FGD1: variants seen among roughly 807,000 people sequenced by gnomAD.
The protein encoded by FGD1 is FYVE, RhoGEF and PH domain-containing protein 1.
In FGD1, 12 loss-of-function variants were observed where a neutral mutation model predicts 65.0. That is an observed-to-expected ratio of 0.18 (90% confidence interval 0.12 to 0.30). The LOEUF (loss-of-function observed/expected upper bound fraction) is 0.30, where lower values mean the gene tolerates loss of function less well. FGD1 is among the 10% of genes least tolerant of loss of function. The probability of loss-of-function intolerance (pLI) is 1.00; values close to 1 mark genes in which losing one functional copy is unlikely to be tolerated. For missense variants in FGD1, 542 were observed against 837.6 expected (o/e 0.65, Z 4.36); for synonymous variants, 333 against 343.9 (o/e 0.97, Z 0.35).
At position 54,470,408 on chromosome X, in the gene FGD1, C is replaced by G; in HGVS notation, c.709G>C (p.Gly237Arg). The change falls in exon 4 of 18, where the codon GGT becomes CGT. Residue 237 changes from glycine to arginine, a missense_variant. Transcript: ENST00000375135. The part of the protein sequence containing the change: ...SDRPVPGPSP[G>R]PPEPVMLPQP... The stretch of plus-strand genomic sequence containing the variant: ...GGCAACATGACTGGCTCTGGGGGAC[C>G]TGGGCTGGGGCCAGGGACTGGTCTA... The G allele has an allele frequency of 8.3e-7, 1 of 1,209,030 alleles. No individual in the cohort carries two copies. The highest frequency in any genetic ancestry group is 1.1e-6 in the Non-Finnish European group (1 of 895,135).
Position 54,446,129 on chromosome X carries a change from G to C in FGD1, c.2866C>G (p.Gln956Glu). ...ACCCTCTAGGTCTTGTCTCGGGTCT[G>C]GGGGGATTCGGGGGGTTCAGCAGTG... The part of the protein sequence containing the change: ...GATAEPPESP[Q>E]TRDKT The change falls in exon 18 of 18, where the codon CAG becomes GAG. Residue 956 changes from glutamine to glutamate, a missense_variant. Physicochemically the swap from Gln to Glu is conservative, Grantham distance 29. This residue lies in a region of FGD1 where 182 missense variants were observed against 311.4 expected (regional missense o/e 0.58). Transcript: ENST00000375135. 3 of 1,208,582 alleles carry C rather than the reference G, an allele frequency of 2.5e-6. No individual in the cohort carries two copies. The highest frequency in any genetic ancestry group is 3.4e-6 in the Non-Finnish European group (3 of 893,801).
In FGD1 at chrX:54,465,609, A is replaced by G. The variant is rs1334011171; in HGVS notation, c.1498-20T>C. Reference sequence around the variant, plus strand: ...CTCCTTCTGTGACAGGCAGAAGCAGAGGGGCTCAGATCTGGCTGCAGATGC... The same window carrying G: ...CTCCTTCTGTGACAGGCAGAAGCAGGGGGGCTCAGATCTGGCTGCAGATGC... On this transcript the variant is annotated intron_variant, in intron 7 of 17. Transcript: ENST00000375135. 7 of 1,209,878 alleles carry G rather than the reference A, an allele frequency of 5.8e-6. No individual in the cohort carries two copies. In the African/African-American group the frequency reaches 1.2e-4, roughly 21 times the overall value.
At chrX:54,456,162 A>G (rs891445909) in intron 10 of FGD1, 58 bp downstream of exon 10, 1 of 1,122,556 alleles carries the variant, frequency 8.9e-7, no homozygotes, top group Admixed American at 2.2e-5. Context: ...CCAGGTCACT[A>G]TGTGTGTGTG....
Position 54,495,696 on chromosome X carries a change from GCGC to G in FGD1, c.-267_-265del, listed in dbSNP as rs1442935819. Reference sequence around the variant, plus strand: ...CATCGCCGGCCCCGGCCCCGGCCCCGCGCGGGGAGTGGGCTCGGCGGGGCCGGG... The same window carrying G: ...CATCGCCGGCCCCGGCCCCGGCCCCGGGGGAGTGGGCTCGGCGGGGCCGGG... On this transcript the variant is annotated 5_prime_UTR_variant, in exon 1 of 18. Coordinates refer to ENST00000375135, the MANE Select transcript of FGD1 (RefSeq NM_004463.3). The G allele has an allele frequency of 7.8e-6, 1 of 127,487 alleles. No individual in the cohort carries two copies. Among genetic ancestry groups the G allele is most frequent in the Non-Finnish European group, 1.6e-5 (1 of 63,635 alleles). 10.5% of individuals were successfully genotyped at this position (127,487 alleles called of 1,213,427 possible).
chrX:54,460,117 AAAATAAAT>A (rs946932780), intron 8 of FGD1, among the ~76,000 whole-genome samples: 1 of 104,622 alleles, frequency 9.6e-6, no homozygotes, highest in African/African-American at 3.7e-5. Context: ...AAAAAATACA[AAAATAAAT>A]AAATAAATAA....
chrX:54,470,715 G>T lies in FGD1; in HGVS notation c.527C>A (p.Pro176Gln), dbSNP rs201843295. 34 of 998,106 alleles carry T rather than the reference G, an allele frequency of 3.4e-5. No individual in the cohort carries two copies. The highest frequency in any genetic ancestry group is 8.0e-5 in the Admixed American group (3 of 37,670). 82.3% of individuals were successfully genotyped at this position (998,106 alleles called of 1,213,427 possible). A position where few individuals can be genotyped will look rare whatever the true frequency, so the allele number is the denominator to read the frequency against. ...TGGTGGAGGGGGGATGGGCTCCAGT[G>T]GGGGGGGCATCCGGGGCATCTGCAG... ...SYLQMPRMPPPLEPIPPPPSR... is the reference protein window; with the variant it reads ...SYLQMPRMPPQLEPIPPPPSR... Residue 176 changes from proline to glutamine, a missense_variant, in exon 3 of 18, where the codon CCA becomes CAA. Physicochemically the swap from Pro to Gln is moderately conservative, Grantham distance 76. Transcript: ENST00000375135.
intron 1 of FGD1, among the ~76,000 whole-genome samples, chrX:54,485,465 GTTTA>G (rs1023194150): frequency 6.3e-5 from 7 of 111,702 alleles, no homozygotes; most frequent in Non-Finnish European, 7.5e-5. Flanking sequence ...ATGCAAATAT[GTTTA>G]TTTATTTATT....
At chrX:54,460,730 G>A (rs777055753) in intron 8 of FGD1, among the ~76,000 whole-genome samples, 3 of 111,858 alleles carry the variant, frequency 2.7e-5, no homozygotes, top group African/African-American at 9.7e-5. Flanking sequence ...GACAGAGTGA[G>A]ACTACGTCTC....
chrX:54,476,918 C>T (rs901913565), intron 1 of FGD1, among the ~76,000 whole-genome samples: 8 of 111,775 alleles, frequency 7.2e-5, no homozygotes, highest in African/African-American at 2.6e-4. Flanking sequence ...AGCAATCCTC[C>T]TGTCTCAGCC....
chrX:54,475,553 G>A (rs988350829), intron 1 of FGD1, among the ~76,000 whole-genome samples: 3 of 107,162 alleles, frequency 2.8e-5, no homozygotes, highest in East Asian at 2.9e-4. Context: ...TTCACTGAGC[G>A]GGAGAAGGTT....
At chrX:54,452,196 G>A (rs1230482501) in intron 12 of FGD1, among the ~76,000 whole-genome samples, 1 of 98,876 alleles carries the variant, frequency 1.0e-5, no homozygotes, top group Non-Finnish European at 2.0e-5. Flanking sequence ...GAACCCAGGA[G>A]TTCGAGGCTG....
In FGD1 at chrX:54,470,730, G is replaced by T; in HGVS notation, c.512C>A (p.Pro171His). ...VPPKPSYLQM[P>H]RMPPPLEPIP... ...GGGCTCCAGTGGGGGGGGCATCCGG[G>T]GCATCTGCAGGTAGCTGGGCTTTGG... The change falls in exon 3 of 18, where the codon CCC (proline) becomes CAC (histidine). Residue 171 changes from proline (P) to histidine (H), a missense_variant. Physicochemically the swap from Pro to His is moderately conservative, Grantham distance 77. Around this residue, in one of 6 missense-constraint regions of FGD1, gnomAD observed 297 missense variants for 326.8 expected, o/e 0.91. Coordinates refer to ENST00000375135, the MANE Select transcript of FGD1 (RefSeq NM_004463.3). 3 of 1,094,508 alleles carry T rather than the reference G, an allele frequency of 2.7e-6. No homozygotes were observed. The highest frequency in any genetic ancestry group is 3.7e-6 in the Non-Finnish European group (3 of 808,351). 90.2% of individuals were successfully genotyped at this position (1,094,508 alleles called of 1,213,427 possible).
intron 8 of FGD1, among the ~76,000 whole-genome samples, chrX:54,462,926 G>A (rs956573940): frequency 3.6e-4 from 39 of 109,184 alleles, no homozygotes; most frequent in African/African-American, 1.2e-3. Context: ...CATCATACCT[G>A]GCTAATTTTT....
chrX:54,488,351 C>T (rs1311239884), intron 1 of FGD1, among the ~76,000 whole-genome samples: 3 of 102,696 alleles, frequency 2.9e-5, no homozygotes, highest in African/African-American at 3.7e-5. Context: ...TTTGGGAGGC[C>T]GAGGCGGGTG....
chrX:54,485,698 T>G (rs905940532), intron 1 of FGD1, among the ~76,000 whole-genome samples: 8 of 111,293 alleles, frequency 7.2e-5, no homozygotes, highest in African/African-American at 2.6e-4. Context: ...CATGAACTCC[T>G]GCCCTTAAGC....
In FGD1 at chrX:54,445,927, T is replaced by C. The variant is rs780571699; in HGVS notation, c.*182A>G. On this transcript the variant is annotated 3_prime_UTR_variant, in exon 18 of 18. Coordinates refer to ENST00000375135, the MANE Select transcript of FGD1 (RefSeq NM_004463.3). ...TTGACATCACTGTAGGAATATATTTTTTAAAAGCCCACGTTTTGTGAAAAG... is the reference window on the plus strand; with the variant it reads ...TTGACATCACTGTAGGAATATATTTCTTAAAAGCCCACGTTTTGTGAAAAG... 4.6e-6 allele frequency: 2 copies of C among 438,079 alleles called. No homozygotes were observed. The highest frequency in any genetic ancestry group is 2.5e-5 in the African/African-American group (1 of 40,204). 36.1% of individuals were successfully genotyped at this position (438,079 alleles called of 1,213,427 possible). A position where few individuals can be genotyped will look rare whatever the true frequency, so the allele number is the denominator to read the frequency against.
In FGD1 at chrX:54,446,224, G is replaced by A. The variant is rs1247164376; in HGVS notation, c.2771C>T (p.Thr924Met). 4 of 1,210,433 alleles carry A rather than the reference G, an allele frequency of 3.3e-6. No individual in the cohort carries two copies. Among genetic ancestry groups the A allele is most frequent in the Non-Finnish European group, 3.4e-6 (3 of 895,158 alleles). ...AVLGRAGRGD[T>M]FCPGPTLSED... Reference sequence around the variant, plus strand: ...AGACAGTGTGGGCCCCGGGCAGAACGTGTCCCCTCGGCCCGCCCGGCCAAG... The same window carrying A: ...AGACAGTGTGGGCCCCGGGCAGAACATGTCCCCTCGGCCCGCCCGGCCAAG... Residue 924 changes from threonine (T) to methionine (M), a missense_variant, in exon 18 of 18, where the codon ACG becomes ATG. By Grantham distance (81) the Thr-to-Met change is moderately conservative. Around this residue, in one of 6 missense-constraint regions of FGD1, gnomAD observed 182 missense variants for 311.4 expected, o/e 0.58. Transcript: ENST00000375135.
At chrX:54,487,755 G>C (rs1488855585) in intron 1 of FGD1, among the ~76,000 whole-genome samples, 2 of 110,102 alleles carry the variant, frequency 1.8e-5, no homozygotes, top group African/African-American at 6.6e-5. Context: ...TTCGAGACCA[G>C]TCTGGCCAAC....
intron 12 of FGD1, among the ~76,000 whole-genome samples, chrX:54,453,865 G>A (rs1004507920): frequency 8.0e-5 from 9 of 111,872 alleles, no homozygotes; most frequent in Non-Finnish European, 1.3e-4. Context: ...ACTAAGTCTT[G>A]AGGAAATATG....
Sources: allele counts gnomAD v4.1 joint callset (sites outside exome capture counted in the v4.1 genomes callset), GRCh38; gene constraint gnomAD v4.1.1; regional missense constraint gnomAD v4.1.1; transcripts MANE v1.5; gene names NCBI Gene and HGNC (gene_info 2026-07-23, HGNC 2026-07-21).